The following BEND5 variants were observed in gnomAD, a reference collection of about 807,000 sequenced individuals.
BEND5 encodes BEN domain-containing protein 5.
Under a neutral mutation model 43.9 loss-of-function variants are expected in BEND5, and 22 were observed. That is an observed-to-expected ratio of 0.50 (90% confidence interval 0.36 to 0.72). The LOEUF is 0.72. BEND5 is among the 30% of genes least tolerant of loss of function. The pLI is 0.00. For missense variants in BEND5, 428 were observed against 550.6 expected (o/e 0.78, Z 2.23); for synonymous variants, 228 against 225.9 (o/e 1.01, Z -0.08).
At chr1:48,739,065 CAA>C (rs1412982452) in intron 4 of BEND5, among the ~76,000 whole-genome samples, 3 of 152,182 alleles carry the variant, frequency 2.0e-5, no homozygotes, top group Admixed American at 6.5e-5. Context: ...TGATGTAGAT[CAA>C]AGACAGCAGA....
intron 1 of BEND5, 44 bp downstream of exon 1, chr1:48,776,562 G>C: frequency 5.9e-6 from 6 of 1,016,156 alleles, no homozygotes; most frequent in Non-Finnish European, 6.4e-6. Context: ...CGGGGTCCCA[G>C]CCCCCGCCCG....
intron 2 of BEND5, 175 bp from the exon 3 acceptor site, chr1:48,759,459 T>C (rs1644138053): frequency 2.5e-6 from 3 of 1,203,312 alleles, no homozygotes; most frequent in Non-Finnish European, 3.3e-6. Context: ...GGAAACATTT[T>C]ATAAATTTTA....
chr1:48,727,595 C>A lies in BEND5; in HGVS notation c.*291G>T. On this transcript the variant is annotated 3_prime_UTR_variant, in exon 6 of 6. Coordinates refer to ENST00000371833, the MANE Select transcript of BEND5 (RefSeq NM_024603.4). ...GAAGTCCTTGGATAGTAAAAATATC[C>A]ATTCAAACCCCAGTCAAGTGACAGG... 1 of 219,790 alleles carries A rather than the reference C, an allele frequency of 4.5e-6. No individual in the cohort carries two copies. The highest frequency in any genetic ancestry group is 8.9e-6 in the Non-Finnish European group (1 of 112,438). The allele number at this position is 219,790 out of a possible 1,614,324, so 13.6% of individuals were successfully genotyped here. A position where few individuals can be genotyped will look rare whatever the true frequency, so the allele number is the denominator to read the frequency against.
chr1:48,763,198 T>C (rs1446208784), intron 1 of BEND5, among the ~76,000 whole-genome samples: 1 of 152,140 alleles, frequency 6.6e-6, no homozygotes, highest in African/African-American at 2.4e-5. Flanking sequence ...GTGGTCTTTG[T>C]TAATAACCCC....
chr1:48,771,393 A>T (rs1422028240), intron 1 of BEND5, among the ~76,000 whole-genome samples: 1 of 152,216 alleles, frequency 6.6e-6, no homozygotes, highest in African/African-American at 2.4e-5. Context: ...CCACATAAAA[A>T]GCAACTTGCC....
At chr1:48,764,645 A>G (rs1193781156) in intron 1 of BEND5, among the ~76,000 whole-genome samples, 1 of 152,226 alleles carries the variant, frequency 6.6e-6, no homozygotes, top group Non-Finnish European at 1.5e-5. Context: ...GATGTGGAAT[A>G]AACTAGGCGT....
intron 5 of BEND5, among the ~76,000 whole-genome samples, chr1:48,733,965 T>C (rs974511371): frequency 3.9e-5 from 6 of 152,096 alleles, no homozygotes; most frequent in Admixed American, 2.0e-4. Flanking sequence ...ATGGCAGGAA[T>C]AGACAGTTAT....
chr1:48,735,564 G>A (rs1648907532), intron 5 of BEND5, among the ~76,000 whole-genome samples: 2 of 151,660 alleles, frequency 1.3e-5, no homozygotes, highest in Non-Finnish European at 2.9e-5. Context: ...GAGGGAGGGA[G>A]GAAGAGAAAA....
intron 1 of BEND5, among the ~76,000 whole-genome samples, chr1:48,773,675 C>G: frequency 1.3e-5 from 2 of 152,284 alleles, no homozygotes; most frequent in Admixed American, 1.3e-4. Context: ...ATGGGAACAT[C>G]GGCTACTTTA....
chr1:48,761,603 C>T (rs1364205113), intron 1 of BEND5, 133 bp from the exon 2 acceptor site: 2 of 923,456 alleles, frequency 2.2e-6, no homozygotes, highest in East Asian at 2.7e-5. Context: ...CAAACAGACT[C>T]AAGGCTGGTT....
Position 48,776,600 on chromosome 1 carries a change from G to A in BEND5, c.226+6C>T. On this transcript the variant is annotated splice_donor_region_variant and intron_variant, in intron 1 of 5. Coordinates refer to ENST00000371833, the MANE Select transcript of BEND5 (RefSeq NM_024603.4). ...TCCCACCGTCCCTCCCCGCCCGCTTGCTCACCTGCCAGCGCCAGGATCTGG... is the reference window on the plus strand; with the variant it reads ...TCCCACCGTCCCTCCCCGCCCGCTTACTCACCTGCCAGCGCCAGGATCTGG... 7.1e-7 allele frequency: 1 copy of A among 1,409,260 alleles called. No homozygotes were observed. The highest frequency in any genetic ancestry group is 9.2e-7 in the Non-Finnish European group (1 of 1,082,992). The allele number at this position is 1,409,260 out of a possible 1,614,324, so 87.3% of individuals were successfully genotyped here.
intron 3 of BEND5, among the ~76,000 whole-genome samples, chr1:48,745,972 G>T (rs1570468090): frequency 6.6e-6 from 1 of 152,110 alleles, no homozygotes; most frequent in Non-Finnish European, 1.5e-5. Context: ...TGTCAGAAAG[G>T]AGGCTTGAGG....
chr1:48,759,497 C>T (rs1557957860), intron 2 of BEND5: 2 of 997,504 alleles, frequency 2.0e-6, no homozygotes, highest in East Asian at 5.7e-5. Flanking sequence ...GGGGAAGGGG[C>T]TTGCCCAAAG....
At chr1:48,734,190 T>C (rs1648634356) in intron 5 of BEND5, among the ~76,000 whole-genome samples, 1 of 152,100 alleles carries the variant, frequency 6.6e-6, no homozygotes, top group Admixed American at 6.5e-5. Flanking sequence ...AATCAATTAA[T>C]CCGGAGTCAG....
chr1:48,752,365 G>A (rs1370971420), intron 3 of BEND5, among the ~76,000 whole-genome samples: 1 of 152,208 alleles, frequency 6.6e-6, no homozygotes, highest in Non-Finnish European at 1.5e-5. Flanking sequence ...GTCAAATGGG[G>A]TGGTTGAGAG....
At chr1:48,754,005 C>T (rs1474609537) in intron 3 of BEND5, among the ~76,000 whole-genome samples, 1 of 152,196 alleles carries the variant, frequency 6.6e-6, no homozygotes, top group Admixed American at 6.5e-5. Flanking sequence ...GACTTGTGTG[C>T]ATCCTGAAGG....
chr1:48,776,834 T>C lies in BEND5; in HGVS notation c.-3A>G. On this transcript the variant is annotated 5_prime_UTR_variant, in exon 1 of 6. Coordinates refer to ENST00000371833, the MANE Select transcript of BEND5 (RefSeq NM_024603.4). ...AGGAACCGCACAAAGGCGTACATGGTGGGCGCCGGGGGCGGGCCCCGGTCG... is the reference window on the plus strand; with the variant it reads ...AGGAACCGCACAAAGGCGTACATGGCGGGCGCCGGGGGCGGGCCCCGGTCG... The C allele has an allele frequency of 2.8e-6, 4 of 1,408,930 alleles. No individual in the cohort carries two copies. Among genetic ancestry groups the C allele is most frequent in the Non-Finnish European group, 2.8e-6 (3 of 1,072,646 alleles). 87.3% of individuals were successfully genotyped at this position (1,408,930 alleles called of 1,614,324 possible).
intron 3 of BEND5, among the ~76,000 whole-genome samples, chr1:48,751,421 G>A (rs545025485): frequency 5.3e-5 from 8 of 152,290 alleles, no homozygotes; most frequent in Middle Eastern, 3.4e-3. Flanking sequence ...ACTGCCTGAC[G>A]CATGGCAAAG....
intron 3 of BEND5, among the ~76,000 whole-genome samples, chr1:48,749,990 T>C (rs572670720): frequency 1.2e-4 from 18 of 152,304 alleles, no homozygotes; most frequent in Admixed American, 7.8e-4. Context: ...GGGACCACTG[T>C]GGGCACAGTG....
Sources: allele counts gnomAD v4.1 joint callset (sites outside exome capture counted in the v4.1 genomes callset), GRCh38; gene constraint gnomAD v4.1.1; transcripts MANE v1.5; gene names NCBI Gene and HGNC (gene_info 2026-07-23, HGNC 2026-07-21).